Variants in CNNM1 observed in about 807,000 individuals in gnomAD.
CNNM1 encodes the protein cyclin and CBS domain divalent metal cation transport mediator 1, also known as metal transporter CNNM1.
In CNNM1, 44 loss-of-function variants were observed where a neutral mutation model predicts 78.8. The ratio of observed to expected loss-of-function variants is 0.56; its 90% confidence interval spans 0.44 to 0.72. The LOEUF (loss-of-function observed/expected upper bound fraction) is 0.72. Among genes scored for constraint, CNNM1 ranks in the 30% least tolerant of loss-of-function variants. The pLI, the probability that CNNM1 is intolerant of heterozygous loss-of-function variation, is 0.00. For missense variants in CNNM1, 1,101 were observed against 1,292.2 expected (o/e 0.85, Z 2.27); for synonymous variants, 584 against 581.5 (o/e 1.00, Z -0.06).
chr10:99,373,600 G>C (rs1001920924), intron 6 of CNNM1, among the ~76,000 whole-genome samples: 1 of 152,158 alleles, frequency 6.6e-6, no homozygotes, highest in South Asian at 2.1e-4. Context: ...GGGGGTACAA[G>C]TGCATTTTTG....
chr10:99,344,240 G>A (rs2030585027), intron 1 of CNNM1, among the ~76,000 whole-genome samples: 1 of 150,500 alleles, frequency 6.6e-6, no homozygotes, highest in African/African-American at 2.4e-5. Flanking sequence ...GCTGAGGCGG[G>A]AGAATCACTT....
At chr10:99,388,091 A>G in intron 8 of CNNM1, 61 bp from the exon 9 acceptor site, 1 of 1,602,292 alleles carries the variant, frequency 6.2e-7, no homozygotes, top group South Asian at 1.1e-5. Flanking sequence ...CAGGGCTCAC[A>G]CCACCTGAGC....
At chr10:99,387,403 G>T (rs150688634) in intron 7 of CNNM1, among the ~76,000 whole-genome samples, 2 of 152,180 alleles carry the variant, frequency 1.3e-5, no homozygotes, top group African/African-American at 4.8e-5. Context: ...TCCCGACACT[G>T]AGACCTAGGG....
chr10:99,381,722 G>A (rs113286398), intron 7 of CNNM1, among the ~76,000 whole-genome samples: 7,503 of 148,602 alleles, frequency 0.05, 557 homozygotes, highest in African/African-American at 0.17. Context: ...CAGCCTGGGC[G>A]ACAAGAGCGA....
intron 1 of CNNM1, among the ~76,000 whole-genome samples, chr10:99,332,639 G>A (rs896653161): frequency 2.0e-5 from 3 of 151,976 alleles, no homozygotes; most frequent in African/African-American, 7.3e-5. Flanking sequence ...CAAATCTGGG[G>A]TCTTTTTCCT....
Position 99,362,258 on chromosome 10 carries a change from G to A in CNNM1, c.1890G>A (p.Ser630=), listed in dbSNP as rs758801855. ...AGCCCTTTAAGTCTCTGTACCTTTC[G>A]GAGAAGATCCTGCTCCGGCTCCTGA... ...EVEPFKSLYL[S]EKILLRLLKH... is the part of the protein sequence containing the mutation. Residue 630 remains serine, a synonymous_variant, in exon 4 of 11, where the codon TCG becomes TCA. Coordinates refer to ENST00000356713, the MANE Select transcript of CNNM1 (RefSeq NM_020348.3). 1.1e-5 allele frequency: 18 copies of A among 1,613,490 alleles called. No individual in the cohort carries two copies. Among genetic ancestry groups the A allele is most frequent in the Non-Finnish European group, 1.4e-5 (17 of 1,179,742 alleles).
At chr10:99,377,250 C>T in intron 7 of CNNM1, 32 bp downstream of exon 7, 1 of 1,606,002 alleles carries the variant, frequency 6.2e-7, no homozygotes, top group South Asian at 1.1e-5. Flanking sequence ...TCCTCTCCCT[C>T]CCAGTGGGCA....
At position 99,330,265 on chromosome 10, in the gene CNNM1, C is replaced by T. The variant is rs1850578916; in HGVS notation, c.878C>T (p.Ala293Val). Residue 293 changes from alanine to valine, a missense_variant, in exon 1 of 11, where the codon GCC becomes GTC. Physicochemically the swap from Ala to Val is moderately conservative, Grantham distance 64 (BLOSUM62 0). Transcript: ENST00000356713. The stretch of plus-strand genomic sequence containing the variant: ...ACCCTACTCCTGGGCCAAGCCGGAG[C>T]CAACGCGGCCCTGGCTGGCTGGCTG... ...LCTLLLGQAG[A>V]NAALAGWLYT... is the part of the protein sequence containing the mutation. The T allele has an allele frequency of 1.3e-6, 2 of 1,557,550 alleles. No homozygotes were observed.
chr10:99,356,550 C>CAGAA (rs1311718739), intron 1 of CNNM1, among the ~76,000 whole-genome samples: 1,081 of 41,564 alleles, frequency 0.026, 23 homozygotes, highest in African/African-American at 0.049. Context: ...GACAGACAGA[C>CAGAA]AGACAGACAG....
chr10:99,383,576 A>C (rs987662001), intron 7 of CNNM1, among the ~76,000 whole-genome samples: 4 of 152,148 alleles, frequency 2.6e-5, no homozygotes, highest in African/African-American at 4.8e-5. Flanking sequence ...GGAATTTTTT[A>C]AGCACTAATT....
At position 99,388,690 on chromosome 10, in the gene CNNM1, G is replaced by A. The variant is rs941055481; in HGVS notation, c.2674+389G>A. Among the ~76,000 whole-genome samples the A allele has an allele frequency of 3.9e-5, 6 of 152,088 alleles. No individual in the cohort carries two copies. In the South Asian group the frequency reaches 1.2e-3, roughly 32 times the overall value. On this transcript the variant is annotated intron_variant, in intron 9 of 10. Coordinates refer to ENST00000356713, the MANE Select transcript of CNNM1 (RefSeq NM_020348.3). ...GACAGCTATCTTATAAAGTAGCTTT[G>A]AGTATAAATGAGATAACATACATAA...
intron 1 of CNNM1, among the ~76,000 whole-genome samples, chr10:99,349,502 T>A (rs1339735095): frequency 6.6e-6 from 1 of 152,172 alleles, no homozygotes; most frequent in Non-Finnish European, 1.5e-5. Flanking sequence ...GATACCCAAG[T>A]GTGCGTAAGA....
intron 7 of CNNM1, among the ~76,000 whole-genome samples, chr10:99,378,103 A>G (rs1188746094): frequency 6.6e-6 from 1 of 151,884 alleles, no homozygotes; most frequent in Admixed American, 6.6e-5. Flanking sequence ...AGCTGGGACT[A>G]CAGGCACGTG....
chr10:99,375,810 G>T (rs1488505379), intron 6 of CNNM1, among the ~76,000 whole-genome samples: 1 of 152,184 alleles, frequency 6.6e-6, no homozygotes. Context: ...GAAGCTGACA[G>T]CCTCCTCATC....
At chr10:99,383,905 AGT>A (rs1421428505) in intron 7 of CNNM1, among the ~76,000 whole-genome samples, 2 of 152,210 alleles carry the variant, frequency 1.3e-5, no homozygotes, top group African/African-American at 4.8e-5. Context: ...GAATGCATGA[AGT>A]GTGTCTCTTT....
At chr10:99,335,621 G>A (rs1039674498) in intron 1 of CNNM1, among the ~76,000 whole-genome samples, 4 of 152,152 alleles carry the variant, frequency 2.6e-5, no homozygotes, top group Admixed American at 2.6e-4. Flanking sequence ...CCAGTAAGTG[G>A]CACCACTTGT....
intron 1 of CNNM1, among the ~76,000 whole-genome samples, chr10:99,334,805 G>A (rs1394220197): frequency 6.6e-6 from 1 of 152,218 alleles, no homozygotes; most frequent in Admixed American, 6.5e-5. Flanking sequence ...AGGAGCCACA[G>A]TTACCATTAA....
At chr10:99,380,110 G>A (rs531424024) in intron 7 of CNNM1, among the ~76,000 whole-genome samples, 29 of 149,118 alleles carry the variant, frequency 1.9e-4, no homozygotes, top group Admixed American at 8.1e-4. Context: ...CTCTTGCCTC[G>A]GCCTCCCAAA....
chr10:99,336,109 C>T (rs2030172298), intron 1 of CNNM1, among the ~76,000 whole-genome samples: 1 of 152,196 alleles, frequency 6.6e-6, no homozygotes, highest in African/African-American at 2.4e-5. Context: ...CATCCAACTG[C>T]AGTCATGTCA....
Sources: gnomAD v4.1 joint callset for allele counts (sites outside exome capture counted in the v4.1 genomes callset) on GRCh38, gnomAD v4.1.1 for gene constraint, MANE v1.5 for transcripts, NCBI Gene and HGNC (gene_info 2026-07-23, HGNC 2026-07-21) for gene names.